The following MAS1 variants were observed in gnomAD, a reference collection of about 807,000 sequenced individuals.
MAS1 encodes MAS1 proto-oncogene, G protein-coupled receptor, also known as proto-oncogene Mas.
For synonymous variants in MAS1, 163 were observed against 164.2 expected, an observed-to-expected ratio of 0.99 and a Z score of 0.05; for missense variants, 387 against 409.7, an observed-to-expected ratio of 0.94 and a Z score of 0.48.
intron 2 of MAS1, 35 bp from the exon 3 acceptor site, chr6:159,906,884 CT>C (rs1018192552): frequency 2.1e-6 from 3 of 1,447,996 alleles, no homozygotes; most frequent in African/African-American, 2.8e-5. Context: ...ATTTTCATGG[CT>C]TTTTGTGTTT....
chr6:159,906,053 G>C (rs1019834681), intron 2 of MAS1, among the ~76,000 whole-genome samples: 22 of 151,882 alleles, frequency 1.4e-4, no homozygotes, highest in Non-Finnish European at 4.4e-5. Context: ...AAAAAAAAAA[G>C]TTATTTTGAT....
In MAS1 at chr6:159,907,142, A is replaced by C. The variant is rs776343365; in HGVS notation, c.187A>C (p.Arg63=). ...CTGGTTCCTGTGCTTCCGGATGAGAAGAAATCCCTTCACTGTCTACATCAC... is the reference window on the plus strand; with the variant it reads ...CTGGTTCCTGTGCTTCCGGATGAGACGAAATCCCTTCACTGTCTACATCAC... ...LLWFLCFRMR[R]NPFTVYITHL... is the part of the protein sequence containing the mutation. The change falls in exon 3 of 3, where the codon AGA becomes CGA. Residue 63 remains arginine, a synonymous_variant. Coordinates refer to ENST00000674077, the MANE Select transcript of MAS1 (RefSeq NM_002377.4). 3 of 1,614,120 alleles carry C rather than the reference A, an allele frequency of 1.9e-6. No homozygotes were observed. In the African/African-American group the frequency reaches 4.0e-5, roughly 22 times the overall value.
upstream of MAS1, among the ~76,000 whole-genome samples, chr6:159,889,041 G>T (rs1016452868): frequency 6.6e-6 from 1 of 152,124 alleles, no homozygotes; most frequent in African/African-American, 2.4e-5. Context: ...GGGGCCTTCC[G>T]CCACCCACTC....
At chr6:159,905,792 AG>A (rs1244705813) in intron 2 of MAS1, among the ~76,000 whole-genome samples, 2 of 152,222 alleles carry the variant, frequency 1.3e-5, no homozygotes, top group Admixed American at 6.5e-5. Flanking sequence ...CTGTAATCCC[AG>A]CACTTTGGGA....
Position 159,910,622 on chromosome 6 carries a change from C to T in MAS1, c.*2689C>T, listed in dbSNP as rs12207188. The T allele has an allele frequency of 0.036, 5,550 of 152,376 alleles. 144 individuals are homozygous for T. Among genetic ancestry groups the T allele is most frequent in the Non-Finnish European group, 0.055 (3,778 of 68,084 alleles). The allele number at this position is 152,376 out of a possible 1,614,324, so 9.4% of individuals were successfully genotyped here. ...GCTTATTTGCTGTGTTGGTCGAATCCACTGCACCCCTCTCTGGGCTGTTTC... is the reference window on the plus strand; with the variant it reads ...GCTTATTTGCTGTGTTGGTCGAATCTACTGCACCCCTCTCTGGGCTGTTTC... On this transcript the variant is annotated 3_prime_UTR_variant, in exon 3 of 3. Transcript: ENST00000674077.
rs564546402 is a variant in MAS1, at chr6:159,907,075, G to C, written c.120G>C (p.Met40Ile). Reference protein sequence around the residue: ...RQIPIVHWVIMSISPVGFVEN... With the variant: ...RQIPIVHWVIISISPVGFVEN... ...TCCCCATCGTGCACTGGGTCATTAT[G>C]AGCATCTCCCCAGTGGGGTTTGTTG... Residue 40 changes from methionine to isoleucine, a missense_variant, in exon 3 of 3, where the codon ATG (methionine) becomes ATC (isoleucine). Met to Ile is a conservative substitution (Grantham distance 10). Transcript: ENST00000674077. 14 of 1,614,036 alleles carry C rather than the reference G, an allele frequency of 8.7e-6. No individual in the cohort carries two copies. Among genetic ancestry groups the C allele is most frequent in the South Asian group, 4.4e-5 (4 of 91,076 alleles).
intron 1 of MAS1, among the ~76,000 whole-genome samples, chr6:159,897,695 G>T (rs1480763080): frequency 6.6e-6 from 1 of 152,120 alleles, no homozygotes; most frequent in Non-Finnish European, 1.5e-5. Flanking sequence ...AATCAGTTAG[G>T]TGAGATCTCA....
intron 1 of MAS1, among the ~76,000 whole-genome samples, chr6:159,894,703 A>G (rs536203000): frequency 1.9e-4 from 29 of 152,320 alleles, no homozygotes; most frequent in South Asian, 4.1e-4. Context: ...GCGCTGTTGA[A>G]TGCACTGGCT....
At chr6:159,895,547 G>A (rs1419487926) in intron 1 of MAS1, among the ~76,000 whole-genome samples, 1 of 152,070 alleles carries the variant, frequency 6.6e-6, no homozygotes, top group Non-Finnish European at 1.5e-5. Context: ...GTTTCTTGCA[G>A]TTCAATAAAA....
In MAS1 at chr6:159,915,764, A is replaced by G. The variant is rs1291602716; in HGVS notation, c.*7831A>G. The stretch of plus-strand genomic sequence containing the variant: ...CATCATCCAGAGGAGCATGGGAGAA[A>G]GTGGGGAATTTAGACAGGGAAAGGA... On this transcript the variant is annotated 3_prime_UTR_variant, in exon 3 of 3. Coordinates refer to ENST00000674077, the MANE Select transcript of MAS1 (RefSeq NM_002377.4). 6.6e-6 allele frequency: 1 copy of G among 152,486 alleles called. No individual in the cohort carries two copies. Among genetic ancestry groups the G allele is most frequent in the East Asian group, 1.9e-4 (1 of 5,202 alleles). 9.4% of individuals were successfully genotyped at this position (152,486 alleles called of 1,614,324 possible).
intron 1 of MAS1, among the ~76,000 whole-genome samples, chr6:159,892,451 C>T (rs1268095073): frequency 2.0e-5 from 3 of 152,106 alleles, no homozygotes; most frequent in East Asian, 3.9e-4. Context: ...CTTTTTTCTC[C>T]CTGCCTTTCT....
intron 2 of MAS1, among the ~76,000 whole-genome samples, chr6:159,900,027 T>G (rs1451976350): frequency 6.6e-6 from 1 of 152,028 alleles, no homozygotes; most frequent in African/African-American, 2.4e-5. Context: ...GCCTGGGCGA[T>G]AGAATGAGAC....
rs758973222 is a variant in MAS1 at position 159,907,909 on chromosome 6, G to A, written c.954G>A (p.Thr318=). Residue 318 remains threonine (T), a synonymous_variant, in exon 3 of 3, where the codon ACG becomes ACA. Coordinates refer to ENST00000674077, the MANE Select transcript of MAS1 (RefSeq NM_002377.4). The part of the protein sequence containing the change: ...QPRRQKDNCN[T]VTVETVV ...GGCGCCAGAAAGACAATTGTAATAC[G>A]GTCACAGTTGAGACTGTCGTCTAAG... 6.0e-5 allele frequency: 96 copies of A among 1,604,894 alleles called. No homozygotes were observed. Among genetic ancestry groups the A allele is most frequent in the Admixed American group, 1.9e-4 (11 of 58,816 alleles).
chr6:159,907,986 T>G lies in MAS1; in HGVS notation c.*53T>G. On this transcript the variant is annotated 3_prime_UTR_variant, in exon 3 of 3. Coordinates refer to ENST00000674077, the MANE Select transcript of MAS1 (RefSeq NM_002377.4). ...ATGGTGGAACACAGGTCATTTTTAG[T>G]TTGTGCTTGGAATATGACTTAAGTA... is the stretch of plus-strand genomic sequence containing the variant. The G allele has an allele frequency of 2.0e-6, 3 of 1,530,190 alleles. No individual in the cohort carries two copies. In the South Asian group the frequency reaches 3.9e-5, roughly 20 times the overall value. 94.8% of individuals were successfully genotyped at this position (1,530,190 alleles called of 1,614,324 possible). A position where few individuals can be genotyped will look rare whatever the true frequency, so the allele number is the denominator to read the frequency against.
chr6:159,904,758 C>A (rs1486877321), intron 2 of MAS1, among the ~76,000 whole-genome samples: 1 of 152,196 alleles, frequency 6.6e-6, no homozygotes, highest in Non-Finnish European at 1.5e-5. Flanking sequence ...CCCACAAAGC[C>A]CGTTTGGACC....
intron 1 of MAS1, among the ~76,000 whole-genome samples, chr6:159,893,151 G>A (rs1782719290): frequency 6.6e-6 from 1 of 152,238 alleles, no homozygotes; most frequent in African/African-American, 2.4e-5. Flanking sequence ...GGTGGTGGGT[G>A]TTAAGTCCTA....
At chr6:159,901,348 T>C (rs937115979) in intron 2 of MAS1, among the ~76,000 whole-genome samples, 6 of 152,160 alleles carry the variant, frequency 3.9e-5, no homozygotes, top group African/African-American at 1.4e-4. Flanking sequence ...ACAGTGGCTC[T>C]CACCTGTAAT....
At position 159,912,681 on chromosome 6, in the gene MAS1, T is replaced by C. The variant is rs986857858; in HGVS notation, c.*4748T>C. The C allele has an allele frequency of 3.9e-5, 6 of 152,234 alleles. No homozygotes were observed. Among genetic ancestry groups the C allele is most frequent in the African/African-American group, 1.4e-4 (6 of 41,464 alleles). The allele number at this position is 152,234 out of a possible 1,614,324, so 9.4% of individuals were successfully genotyped here. A position where few individuals can be genotyped will look rare whatever the true frequency, so the allele number is the denominator to read the frequency against. ...TGGGTACCATCAGGCCTCCCCCTGC[T>C]TAGCACCAGAGTCTCTCTCACTGCC... On this transcript the variant is annotated 3_prime_UTR_variant, in exon 3 of 3. Transcript: ENST00000674077.
chr6:159,889,526 T>A (rs1025647399), upstream of MAS1, among the ~76,000 whole-genome samples: 15 of 152,298 alleles, frequency 9.8e-5, no homozygotes. Context: ...CAGCCTCTTA[T>A]TTTTCCCTAA....
Sources: allele counts gnomAD v4.1 joint callset (sites outside exome capture counted in the v4.1 genomes callset), GRCh38; gene constraint gnomAD v4.1.1; transcripts MANE v1.5; gene names NCBI Gene and HGNC (gene_info 2026-07-23, HGNC 2026-07-21).